PCSK6: variants seen among roughly 807,000 people sequenced by gnomAD.
PCSK6 encodes paired basic amino acid cleaving enzyme 4.
PCSK6 carries 85 observed loss-of-function variants against 123.3 expected under a neutral mutation model. The observed-to-expected ratio is 0.69, with a 90% CI of 0.58 to 0.83. The LOEUF (loss-of-function observed/expected upper bound fraction) is 0.83. Ranked by LOEUF, PCSK6 falls within the 40% of genes least tolerant of loss-of-function variation. The pLI, the probability that PCSK6 is intolerant of heterozygous loss-of-function variation, is 0.00. For synonymous variants in PCSK6, 508 were observed against 516.0 expected (o/e 0.98, Z 0.21); for missense variants, 1,191 against 1,282.3 (o/e 0.93, Z 1.09).
intron 6 of PCSK6, among the ~76,000 whole-genome samples, chr15:101,420,898 C>T (rs907747533): frequency 3.3e-5 from 5 of 152,188 alleles, no homozygotes; most frequent in African/African-American, 1.2e-4. Context: ...GGTGCTAATG[C>T]ACCTGAAGGC....
intron 8 of PCSK6, among the ~76,000 whole-genome samples, chr15:101,390,614 G>C (rs1204990699): frequency 6.6e-6 from 1 of 152,170 alleles, no homozygotes; most frequent in Non-Finnish European, 1.5e-5. Flanking sequence ...GCCTCCAAAG[G>C]CTGAGAACGG....
At chr15:101,324,491 CT>C (rs1488999131) in intron 17 of PCSK6, among the ~76,000 whole-genome samples, 1 of 152,226 alleles carries the variant, frequency 6.6e-6, no homozygotes, top group African/African-American at 2.4e-5. Context: ...AGGACCTCCT[CT>C]TCTGATACCT....
chr15:101,448,949 A>G (rs977244293), intron 1 of PCSK6, among the ~76,000 whole-genome samples: 1 of 152,316 alleles, frequency 6.6e-6, no homozygotes, highest in Non-Finnish European at 1.5e-5. Flanking sequence ...GTGTGTGTGC[A>G]TATGTGTGGA....
chr15:101,371,053 A>G (rs911222625), intron 11 of PCSK6, among the ~76,000 whole-genome samples: 15 of 152,308 alleles, frequency 9.8e-5, no homozygotes, highest in African/African-American at 3.6e-4. Context: ...CTAAAAATAC[A>G]AAAATTAGCT....
intron 9 of PCSK6, among the ~76,000 whole-genome samples, chr15:101,386,589 G>C (rs191812108): frequency 6.6e-6 from 1 of 152,168 alleles, no homozygotes; most frequent in Non-Finnish European, 1.5e-5. Context: ...CCAGGTCTTC[G>C]TGTAAGTGGA....
chr15:101,307,184 A>G, intron 21 of PCSK6, 29 bp downstream of exon 21: 1 of 1,544,998 alleles, frequency 6.5e-7, no homozygotes, highest in Non-Finnish European at 8.9e-7. Context: ...CTCCACAGGC[A>G]GCCCCAGGGT....
At chr15:101,323,559 C>T (rs1183844381) in intron 17 of PCSK6, among the ~76,000 whole-genome samples, 1 of 152,088 alleles carries the variant, frequency 6.6e-6, no homozygotes, top group African/African-American at 2.4e-5. Flanking sequence ...GGTGAAACCC[C>T]ATCTCTACTA....
chr15:101,329,692 T>A (rs1261214106), intron 15 of PCSK6, among the ~76,000 whole-genome samples: 1 of 152,252 alleles, frequency 6.6e-6, no homozygotes, highest in Non-Finnish European at 1.5e-5. Flanking sequence ...GGTTCTTGGC[T>A]TCCCTTGCAG....
chr15:101,411,028 C>T (rs1346444338), intron 6 of PCSK6, among the ~76,000 whole-genome samples: 1 of 152,216 alleles, frequency 6.6e-6, no homozygotes, highest in African/African-American at 2.4e-5. Context: ...CTACCTCTCC[C>T]CAGGGCCTGG....
At chr15:101,484,636 C>A (rs2057975380) in intron 1 of PCSK6, among the ~76,000 whole-genome samples, 1 of 152,196 alleles carries the variant, frequency 6.6e-6, no homozygotes, top group African/African-American at 2.4e-5. Flanking sequence ...GATGATCCAC[C>A]CGCCTCTGCC....
chr15:101,412,441 C>G (rs7180564), intron 6 of PCSK6, among the ~76,000 whole-genome samples: 16 of 151,406 alleles, frequency 1.1e-4, no homozygotes, highest in African/African-American at 3.9e-4. Context: ...TAAGGATATA[C>G]TAGTTGTATA....
intron 1 of PCSK6, among the ~76,000 whole-genome samples, chr15:101,449,910 G>A (rs2056989289): frequency 1.3e-5 from 2 of 152,070 alleles, no homozygotes; most frequent in African/African-American, 2.4e-5. Context: ...GCCCCATAAT[G>A]GCTGAGTCCT....
intron 20 of PCSK6, among the ~76,000 whole-genome samples, chr15:101,310,155 G>T (rs2039822769): frequency 6.6e-6 from 1 of 152,052 alleles, no homozygotes; most frequent in African/African-American, 2.4e-5. Flanking sequence ...CCAAGGCCTT[G>T]CTTCCTTTGG....
At chr15:101,391,887 T>C (rs981063621) in intron 8 of PCSK6, among the ~76,000 whole-genome samples, 1 of 152,206 alleles carries the variant, frequency 6.6e-6, no homozygotes, top group African/African-American at 2.4e-5. Flanking sequence ...TATACCCTTC[T>C]TACCCACATA....
chr15:101,383,371 T>C lies in PCSK6; in HGVS notation c.1414+951A>G, dbSNP rs184366902. Among the ~76,000 whole-genome samples, 786 of 143,700 alleles carry C rather than the reference T, an allele frequency of 5.5e-3. 9 individuals carry two copies. Among genetic ancestry groups the C allele is most frequent in the African/African-American group, 0.019 (717 of 37,966 alleles). The allele number at this position is 143,700 out of a possible 152,430, so 94.3% of individuals were successfully genotyped here. A position where few individuals can be genotyped will look rare whatever the true frequency, so the allele number is the denominator to read the frequency against. ...GTTGCAGTGAGCCGAGATCGTGCCA[T>C]TGCACTCCAGCTTGGGCAACAAGAC... On this transcript the variant is annotated intron_variant, in intron 10 of 21. Transcript: ENST00000611716.
chr15:101,398,584 C>A lies in PCSK6; in HGVS notation c.824-8G>T. The A allele has an allele frequency of 6.2e-7, 1 of 1,606,630 alleles. No individual in the cohort carries two copies. ...CGTCCAGCATGCGGATGCCTGAAAG[C>A]ACAGAGGAGGCTCGGTGTCGGCGCC... is the stretch of plus-strand genomic sequence containing the variant. On this transcript the variant is annotated splice_polypyrimidine_tract_variant and splice_region_variant and intron_variant, in intron 6 of 21. Transcript: ENST00000611716. This position sits in a 1 kb window ranked among gnomAD's most constrained non-coding sequence, Gnocchi z 4.6.
At chr15:101,443,773 AAC>A (rs1347789274) in intron 1 of PCSK6, 113 bp from the exon 2 acceptor site, 3 of 758,640 alleles carry the variant, frequency 4.0e-6, no homozygotes, top group Non-Finnish European at 7.1e-6. Flanking sequence ...TCCCAGAGGA[AAC>A]ACACCCTCCA....
At chr15:101,455,151 GCAAACAAA>G (rs34872628) in intron 1 of PCSK6, among the ~76,000 whole-genome samples, 2 of 151,600 alleles carry the variant, frequency 1.3e-5, no homozygotes, top group Non-Finnish European at 2.9e-5. Context: ...TTTGACCACA[GCAAACAAA>G]CAAACAAACA....
chr15:101,368,480 G>A (rs1281530475), intron 12 of PCSK6, among the ~76,000 whole-genome samples: 1 of 152,234 alleles, frequency 6.6e-6, no homozygotes, highest in African/African-American at 2.4e-5. Flanking sequence ...CAAAGGGACT[G>A]GCTCCTGGGA....
Sources: allele counts gnomAD v4.1 joint callset (sites outside exome capture counted in the v4.1 genomes callset), GRCh38; gene constraint gnomAD v4.1.1; non-coding constraint Gnocchi (gnomAD v3.1); transcripts MANE v1.5; gene names NCBI Gene and HGNC (gene_info 2026-07-23, HGNC 2026-07-21).